THAP4: variants seen among roughly 807,000 people sequenced by gnomAD.
THAP4 encodes the protein peroxynitrite isomerase THAP4.
A neutral mutation model predicts 48.1 loss-of-function variants in THAP4; 18 were observed. The observed-to-expected ratio is 0.37, with a 90% CI of 0.26 to 0.56. The LOEUF (loss-of-function observed/expected upper bound fraction) is 0.56, where lower values mean the gene tolerates loss of function less well. Ranked by LOEUF, THAP4 falls within the 20% of genes least tolerant of loss-of-function variation. The pLI is 0.78. For missense variants in THAP4, 656 were observed against 774.9 expected (o/e 0.85, Z 1.82); for synonymous variants, 345 against 324.9 (o/e 1.06, Z -0.66).
intron 5 of THAP4, among the ~76,000 whole-genome samples, chr2:241,591,634 G>A (rs1049412109): frequency 3.3e-5 from 5 of 152,150 alleles, no homozygotes; most frequent in African/African-American, 1.2e-4. Context: ...GGGGGGCCGG[G>A]CTCTTCATGC....
At chr2:241,589,681 T>G (rs142863336) in intron 5 of THAP4, among the ~76,000 whole-genome samples, 1 of 140,964 alleles carries the variant, frequency 7.1e-6, no homozygotes, top group East Asian at 2.2e-4. Context: ...CAATCCCAGG[T>G]ATGCACCCAA....
chr2:241,602,012 G>A lies in THAP4; in HGVS notation c.1511-13C>T, dbSNP rs1450331404. On this transcript the variant is annotated splice_polypyrimidine_tract_variant and intron_variant, in intron 4 of 5. Transcript: ENST00000407315. ...ACTTCCACCACGCCTGCAAGGGAAG[G>A]GCAGTCAGCTCACCCAGCAGCTGCT... The A allele has an allele frequency of 1.2e-6, 2 of 1,608,708 alleles. No individual in the cohort carries two copies. Among genetic ancestry groups the A allele is most frequent in the East Asian group, 2.2e-5 (1 of 44,838 alleles).
At position 241,612,609 on chromosome 2, in the gene THAP4, T is replaced by C. The variant is rs2067290773; in HGVS notation, c.1241-6136A>G. On this transcript the variant is annotated intron_variant, in intron 2 of 5. Coordinates refer to ENST00000407315, the MANE Select transcript of THAP4 (RefSeq NM_015963.6). The surrounding 1 kb of genome is among the most constrained non-coding windows in gnomAD (Gnocchi z 4.1). Reference sequence around the variant, plus strand: ...TGGCCATAAAAATGAAGCACTAATATAAGCTGCAATTCAAATGGCCCTTGA... The same window carrying C: ...TGGCCATAAAAATGAAGCACTAATACAAGCTGCAATTCAAATGGCCCTTGA... 6.6e-6 allele frequency among the ~76,000 whole-genome samples: 1 copy of C among 152,212 alleles called. No homozygotes were observed. Among genetic ancestry groups the C allele is most frequent in the South Asian group, 2.1e-4 (1 of 4,836 alleles).
rs745705482 is a variant in THAP4, at chr2:241,603,053, C to T, written c.1427G>A (p.Arg476His). The T allele has an allele frequency of 4.3e-6, 7 of 1,613,940 alleles. No homozygotes were observed. Among genetic ancestry groups the T allele is most frequent in the East Asian group, 4.5e-5 (2 of 44,868 alleles). The change falls in exon 4 of 6, where the codon CGC becomes CAC. Residue 476 changes from arginine (R) to histidine (H), a missense_variant. Transcript: ENST00000407315. ...GCCACACTCTCTGTGCATCGGCTTG[C>T]GCGTGTCCGGGTGGAAGGAGTTGAA... ...FSFNSFHPDTRKPMHRECGFI... is the reference protein window; with the variant it reads ...FSFNSFHPDTHKPMHRECGFI...
At chr2:241,625,818 A>G (rs199520592) in intron 2 of THAP4, among the ~76,000 whole-genome samples, 18,647 of 140,872 alleles carry the variant, frequency 0.13, 1,828 homozygotes, top group South Asian at 0.36. Context: ...AAAAAAAAAA[A>G]AAAAAAGAAA....
At chr2:241,623,607 G>A (rs79841330) in intron 2 of THAP4, among the ~76,000 whole-genome samples, 31,980 of 150,644 alleles carry the variant, frequency 0.21, 3,501 homozygotes, top group Non-Finnish European at 0.23. Context: ...AAAAAAAAGA[G>A]AGAAGGTACA....
At chr2:241,631,376 A>G (rs754470344) in intron 2 of THAP4, among the ~76,000 whole-genome samples, 4 of 152,268 alleles carry the variant, frequency 2.6e-5, no homozygotes, top group Non-Finnish European at 5.9e-5. Context: ...CATCCGCCAT[A>G]TGTAAACATC....
intron 5 of THAP4, among the ~76,000 whole-genome samples, chr2:241,585,626 G>C (rs906366823): frequency 2.0e-5 from 3 of 152,084 alleles, no homozygotes; most frequent in African/African-American, 7.2e-5. Context: ...TTTGCTGCCC[G>C]GAAGTCAAGG....
intron 3 of THAP4, among the ~76,000 whole-genome samples, chr2:241,604,565 T>G (rs1250216726): frequency 6.6e-6 from 1 of 151,940 alleles, no homozygotes; most frequent in East Asian, 1.9e-4. Flanking sequence ...ACCCGGCTAA[T>G]TTTTGTATTT....
At chr2:241,637,482 C>T, upstream of THAP4, 1 of 1,452,832 alleles carries the variant, frequency 6.9e-7, no homozygotes, top group South Asian at 1.4e-5. Flanking sequence ...GACAGCAGAA[C>T]CAGCCGTCGT....
chr2:241,596,034 C>T (rs973373827), intron 5 of THAP4, among the ~76,000 whole-genome samples: 1 of 152,202 alleles, frequency 6.6e-6, no homozygotes, highest in African/African-American at 2.4e-5. Flanking sequence ...TGCCCCGTGC[C>T]CTGCCCTGTG....
intron 2 of THAP4, among the ~76,000 whole-genome samples, chr2:241,630,975 T>C (rs1452476111): frequency 6.6e-6 from 1 of 152,022 alleles, no homozygotes; most frequent in Admixed American, 6.6e-5. Context: ...GGAGAACTGC[T>C]TGAACCCGGG....
At position 241,633,160 on chromosome 2, in the gene THAP4, G is replaced by A. The variant is rs1265102338; in HGVS notation, c.997C>T (p.Leu333=). The A allele has an allele frequency of 1.2e-6, 2 of 1,609,332 alleles. No individual in the cohort carries two copies. The highest frequency in any genetic ancestry group is 1.7e-6 in the Non-Finnish European group (2 of 1,177,148). Residue 333 remains leucine, a synonymous_variant, in exon 2 of 6, where the codon CTG becomes TTG. Coordinates refer to ENST00000407315, the MANE Select transcript of THAP4 (RefSeq NM_015963.6). The surrounding 1 kb of genome is among the most constrained non-coding windows in gnomAD (Gnocchi z 7.5). ...AGCTTGCAGGCCCCTGACGCCGACA[G>A]GATGACCTCGTTGATGGACATGGGG... ...ASPMSINEVI[L]SASGACKLID...
chr2:241,590,498 A>G (rs2066950347), intron 5 of THAP4, among the ~76,000 whole-genome samples: 1 of 149,362 alleles, frequency 6.7e-6, no homozygotes, highest in Non-Finnish European at 1.5e-5. Context: ...TCGGCTGATG[A>G]TAATGGGCAC....
intron 1 of THAP4, among the ~76,000 whole-genome samples, chr2:241,635,922 C>T (rs866541807): frequency 1.3e-5 from 2 of 152,108 alleles, no homozygotes; most frequent in Non-Finnish European, 2.9e-5. Flanking sequence ...GCAACAGGAC[C>T]TTCTAACCTC....
chr2:241,588,217 ATATG>A (rs1192118189), intron 5 of THAP4, among the ~76,000 whole-genome samples: 2 of 152,216 alleles, frequency 1.3e-5, no homozygotes, highest in Admixed American at 1.3e-4. Flanking sequence ...AAACCACAAA[ATATG>A]TAGGAATAAA....
chr2:241,596,997 T>C lies in THAP4; in HGVS notation c.1614+4899A>G, dbSNP rs146086685. Among the ~76,000 whole-genome samples, 176 of 152,328 alleles carry C rather than the reference T, an allele frequency of 1.2e-3. 1 individual carries two copies. Among genetic ancestry groups the C allele is most frequent in the African/African-American group, 3.8e-3 (157 of 41,566 alleles). On this transcript the variant is annotated intron_variant, in intron 5 of 5. Coordinates refer to ENST00000407315, the MANE Select transcript of THAP4 (RefSeq NM_015963.6). ...TTAGGCTGCATTAAATTTATAAACATATTTTTATTTTTAAAAAGTAATTGT... is the reference window on the plus strand; with the variant it reads ...TTAGGCTGCATTAAATTTATAAACACATTTTTATTTTTAAAAAGTAATTGT...
At chr2:241,607,136 A>C (rs1323535626) in intron 2 of THAP4, among the ~76,000 whole-genome samples, 4 of 152,032 alleles carry the variant, frequency 2.6e-5, no homozygotes, top group Non-Finnish European at 5.9e-5. Context: ...CCCCTTTAGA[A>C]GGTCTCCTGT....
intron 1 of THAP4, among the ~76,000 whole-genome samples, chr2:241,636,386 G>T (rs146291780): frequency 2.0e-5 from 3 of 152,246 alleles, no homozygotes; most frequent in Non-Finnish European, 4.4e-5. Flanking sequence ...CCTGCCGCGG[G>T]GGCCCACGTG....
Sources: gnomAD v4.1 joint callset for allele counts (sites outside exome capture counted in the v4.1 genomes callset) on GRCh38, gnomAD v4.1.1 for gene constraint, Gnocchi (gnomAD v3.1) non-coding constraint, MANE v1.5 for transcripts, NCBI Gene and HGNC (gene_info 2026-07-23, HGNC 2026-07-21) for gene names.